The following SBF2 variants were observed in gnomAD, a reference collection of about 807,000 sequenced individuals.
SBF2 encodes SET binding factor 2, also known as myotubularin-related protein 13.
SBF2 carries 112 observed loss-of-function variants against 225.2 expected under a neutral mutation model. That is an observed-to-expected ratio of 0.50 (90% confidence interval 0.43 to 0.58). The LOEUF is 0.58. SBF2 is among the 20% of genes least tolerant of loss of function. The pLI is 0.00. For synonymous variants in SBF2, 763 were observed against 773.3 expected, an observed-to-expected ratio of 0.99 and a Z score of 0.22; for missense variants, 1,996 against 2,206.2, an observed-to-expected ratio of 0.90 and a Z score of 1.91.
At chr11:10,256,003 C>CT (rs1468842108) in intron 1 of SBF2, among the ~76,000 whole-genome samples, 1 of 152,162 alleles carries the variant, frequency 6.6e-6, no homozygotes, top group Non-Finnish European at 1.5e-5. Context: ...AATTATTGTG[C>CT]TTTACTTACA....
intron 1 of SBF2, among the ~76,000 whole-genome samples, chr11:10,299,337 C>CACA: frequency 1.6e-5 from 1 of 63,146 alleles, no homozygotes; most frequent in Non-Finnish European, 2.8e-5. Context: ...GAGTCCATCT[C>CACA]AAAAAAAAAA....
intron 28 of SBF2, among the ~76,000 whole-genome samples, chr11:9,824,178 A>G (rs1277624933): frequency 6.6e-6 from 1 of 152,234 alleles, no homozygotes; most frequent in African/African-American, 2.4e-5. Flanking sequence ...TGGAGTCATA[A>G]GAATATAACC....
At chr11:9,933,015 T>G (rs1051328669) in intron 16 of SBF2, among the ~76,000 whole-genome samples, 1 of 142,412 alleles carries the variant, frequency 7.0e-6, no homozygotes, top group Non-Finnish European at 1.5e-5. Flanking sequence ...AATCCTAGTC[T>G]CTGATAAAAC....
intron 16 of SBF2, among the ~76,000 whole-genome samples, chr11:9,924,533 G>A (rs2134235978): frequency 6.6e-6 from 1 of 152,200 alleles, no homozygotes; most frequent in South Asian, 2.1e-4. Context: ...CTGGGTTCAA[G>A]CAATTCTCCT....
chr11:10,241,762 T>C lies in SBF2; in HGVS notation c.56-47775A>G, dbSNP rs371953883. On this transcript the variant is annotated intron_variant, in intron 1 of 39. Coordinates refer to ENST00000256190, the MANE Select transcript of SBF2 (RefSeq NM_030962.4). ...AGCAGATATCTATAAAATGCCACAATAGGAGGTTCCAAAATTCATTTCTCC... is the reference window on the plus strand; with the variant it reads ...AGCAGATATCTATAAAATGCCACAACAGGAGGTTCCAAAATTCATTTCTCC... 4.6e-5 allele frequency among the ~76,000 whole-genome samples: 7 copies of C among 152,074 alleles called. No individual in the cohort carries two copies. The South Asian group carries it at 1.2e-3, about 27-fold the overall frequency.
chr11:9,960,303 G>A (rs1866480152), intron 16 of SBF2: 1 of 152,076 alleles, frequency 6.6e-6, no homozygotes, highest in Non-Finnish European at 1.5e-5. Context: ...GGCACTAGTT[G>A]TGACTAGTTT....
At chr11:9,958,801 T>C (rs1303305237) in intron 16 of SBF2, 3 of 534,066 alleles carry the variant, frequency 5.6e-6, no homozygotes, top group African/African-American at 3.8e-5. Context: ...TGAGGGCTTC[T>C]GTCACCGAAA....
chr11:10,123,123 C>G (rs547360846), intron 2 of SBF2, among the ~76,000 whole-genome samples: 4 of 152,136 alleles, frequency 2.6e-5, no homozygotes, highest in African/African-American at 9.7e-5. Context: ...GAAAACCCTT[C>G]TGATTTTCCC....
chr11:9,913,859 G>A (rs752101471), intron 16 of SBF2, among the ~76,000 whole-genome samples: 8 of 152,080 alleles, frequency 5.3e-5, no homozygotes, highest in Non-Finnish European at 1.0e-4. Flanking sequence ...GCTCCTTTTG[G>A]TTGTTGTTGT....
chr11:9,930,646 C>T (rs10840328), intron 16 of SBF2, among the ~76,000 whole-genome samples: 1 of 152,030 alleles, frequency 6.6e-6, no homozygotes, highest in African/African-American at 2.4e-5. Flanking sequence ...GATGGCTGAA[C>T]AGGAACAGCT....
intron 22 of SBF2, among the ~76,000 whole-genome samples, chr11:9,849,130 A>C (rs1387329162): frequency 6.6e-6 from 1 of 152,172 alleles, no homozygotes; most frequent in Non-Finnish European, 1.5e-5. Context: ...CCCTATTTCT[A>C]CTGCTTCAGA....
At chr11:10,011,801 T>A (rs1051245192) in intron 6 of SBF2, among the ~76,000 whole-genome samples, 2 of 152,214 alleles carry the variant, frequency 1.3e-5, no homozygotes. Flanking sequence ...TTTCACCAGT[T>A]TCACAATCAT....
chr11:10,155,286 G>T (rs1308086174), intron 2 of SBF2, among the ~76,000 whole-genome samples: 2 of 152,234 alleles, frequency 1.3e-5, no homozygotes, highest in African/African-American at 2.4e-5. Context: ...ATAGTAAAAT[G>T]TAAGAGAAAT....
At chr11:10,127,904 T>TA (rs1449268539) in intron 2 of SBF2, among the ~76,000 whole-genome samples, 1 of 152,198 alleles carries the variant, frequency 6.6e-6, no homozygotes, top group Non-Finnish European at 1.5e-5. Flanking sequence ...GTAACGAGGT[T>TA]AGGCAAGTTA....
intron 3 of SBF2, among the ~76,000 whole-genome samples, chr11:10,041,332 T>C (rs1949647584): frequency 6.6e-6 from 1 of 152,140 alleles, no homozygotes. Flanking sequence ...GAGAGGAGAC[T>C]TAAAGTCACA....
intron 6 of SBF2, among the ~76,000 whole-genome samples, chr11:10,027,070 T>C (rs548666505): frequency 1.3e-3 from 204 of 152,284 alleles, no homozygotes; most frequent in African/African-American, 4.7e-3. Flanking sequence ...ATGCATTACT[T>C]CACATACTTT....
chr11:10,002,437 G>T, intron 7 of SBF2, 120 bp downstream of exon 7: 1 of 814,166 alleles, frequency 1.2e-6, no homozygotes, highest in Non-Finnish European at 2.0e-6. Flanking sequence ...TCATATAACA[G>T]CATAACTTTG....
intron 25 of SBF2, among the ~76,000 whole-genome samples, chr11:9,840,123 A>G (rs1296406483): frequency 1.3e-5 from 2 of 152,048 alleles, no homozygotes; most frequent in Non-Finnish European, 2.9e-5. Context: ...AATCCCAGCT[A>G]CTCGGGAGGC....
chr11:10,187,966 A>T (rs1404645741), intron 2 of SBF2, among the ~76,000 whole-genome samples: 1 of 152,240 alleles, frequency 6.6e-6, no homozygotes, highest in African/African-American at 2.4e-5. Context: ...TTGTAACATT[A>T]CAAATATTAA....
Sources: gnomAD v4.1 joint callset for allele counts (sites outside exome capture counted in the v4.1 genomes callset) on GRCh38, gnomAD v4.1.1 for gene constraint, MANE v1.5 for transcripts, NCBI Gene and HGNC (gene_info 2026-07-23, HGNC 2026-07-21) for gene names.